Variants in FSTL4 observed in about 807,000 individuals in gnomAD.
FSTL4 encodes follistatin-related protein 4.
In FSTL4, 28 loss-of-function variants were observed where a neutral mutation model predicts 78.2. The observed-to-expected ratio is 0.36, with a 90% CI of 0.27 to 0.49. The LOEUF (loss-of-function observed/expected upper bound fraction) is 0.49, where lower values mean the gene tolerates loss of function less well. FSTL4 is among the 20% of genes least tolerant of loss of function. The probability of loss-of-function intolerance (pLI) is 0.98; values close to 1 mark genes in which losing one functional copy is unlikely to be tolerated. For missense variants in FSTL4, 922 were observed against 1,084.9 expected (o/e 0.85, Z 2.11); for synonymous variants, 422 against 440.5 (o/e 0.96, Z 0.53).
chr5:133,207,169 T>G (rs1237361464), intron 14 of FSTL4, among the ~76,000 whole-genome samples: 1 of 152,232 alleles, frequency 6.6e-6, no homozygotes, highest in Non-Finnish European at 1.5e-5. Flanking sequence ...CCAAACTTCT[T>G]GTTTATATTC....
chr5:133,704,744 T>C, the FSTL4 span, among the ~76,000 whole-genome samples: 1 of 152,206 alleles, frequency 6.6e-6, no homozygotes, highest in Non-Finnish European at 1.5e-5. Flanking sequence ...ATGCCTGTCA[T>C]CACTACTTCA....
At chr5:133,536,260 T>G (rs370353318) in intron 3 of FSTL4, among the ~76,000 whole-genome samples, 2 of 152,222 alleles carry the variant, frequency 1.3e-5, no homozygotes, top group Non-Finnish European at 2.9e-5. Flanking sequence ...ACCTCAATTT[T>G]TAGTCTATAT....
At chr5:133,498,725 A>G (rs986368631) in intron 3 of FSTL4, among the ~76,000 whole-genome samples, 1 of 152,074 alleles carries the variant, frequency 6.6e-6, no homozygotes, top group African/African-American at 2.4e-5. Context: ...CTCCAAAAAA[A>G]AAAAAAGGAT....
chr5:133,205,912 A>G (rs551633555), intron 14 of FSTL4, among the ~76,000 whole-genome samples: 58 of 152,346 alleles, frequency 3.8e-4, no homozygotes, highest in African/African-American at 1.3e-3. Context: ...AATGAGTCGG[A>G]GTCAGACACC....
the FSTL4 span, among the ~76,000 whole-genome samples, chr5:133,753,834 G>A: frequency 6.6e-6 from 1 of 152,068 alleles, no homozygotes; most frequent in Non-Finnish European, 1.5e-5. Context: ...CCAATACAGT[G>A]AACCATAGTG....
At chr5:133,669,393 T>A in the FSTL4 span, among the ~76,000 whole-genome samples, 1 of 152,238 alleles carries the variant, frequency 6.6e-6, no homozygotes, top group Non-Finnish European at 1.5e-5. Flanking sequence ...CTTCACAGCC[T>A]GACCAAAAGT....
chr5:133,555,839 G>A (rs576452664), intron 3 of FSTL4, among the ~76,000 whole-genome samples: 4 of 152,338 alleles, frequency 2.6e-5, no homozygotes, highest in Non-Finnish European at 5.9e-5. Context: ...TTCAAATGAA[G>A]CAGCCAAGCA....
chr5:133,764,846 C>T, the FSTL4 span, among the ~76,000 whole-genome samples: 2 of 151,932 alleles, frequency 1.3e-5, no homozygotes, highest in Non-Finnish European at 2.9e-5. Context: ...TACAGGTGAG[C>T]CTCTTAAGAT....
chr5:133,453,935 C>T (rs999083570), intron 3 of FSTL4, among the ~76,000 whole-genome samples: 2 of 152,188 alleles, frequency 1.3e-5, no homozygotes, highest in African/African-American at 4.8e-5. Context: ...GATGAGGCAT[C>T]CCAGCAACAC....
At chr5:133,625,844 C>CAT in the FSTL4 span, among the ~76,000 whole-genome samples, 1 of 15,168 alleles carries the variant, frequency 6.6e-5, no homozygotes, top group Non-Finnish European at 1.3e-4. Flanking sequence ...ATATATATTC[C>CAT]ATATATATAT....
intron 3 of FSTL4, among the ~76,000 whole-genome samples, chr5:133,526,682 C>G (rs886493081): frequency 6.6e-6 from 1 of 152,084 alleles, no homozygotes; most frequent in Non-Finnish European, 1.5e-5. Context: ...GCTATGCAGG[C>G]AGGGTCAGGG....
chr5:133,429,824 T>A (rs1756898623), intron 3 of FSTL4, among the ~76,000 whole-genome samples: 1 of 152,144 alleles, frequency 6.6e-6, no homozygotes, highest in Non-Finnish European at 1.5e-5. Context: ...CCAGAATCCA[T>A]CAGCTCACTC....
chr5:133,812,498 C>A, the FSTL4 span, among the ~76,000 whole-genome samples: 3 of 152,358 alleles, frequency 2.0e-5, no homozygotes, highest in East Asian at 1.9e-4. Flanking sequence ...AGGGCCTTTG[C>A]ACCAGCTGAT....
chr5:133,597,148 G>A (rs1760754830), intron 2 of FSTL4, among the ~76,000 whole-genome samples: 1 of 152,168 alleles, frequency 6.6e-6, no homozygotes, highest in Non-Finnish European at 1.5e-5. Context: ...CCAGGTGGCT[G>A]GTGACAAGAC....
upstream of FSTL4, among the ~76,000 whole-genome samples, chr5:133,617,424 A>G (rs1368837706): frequency 1.3e-5 from 2 of 152,114 alleles, no homozygotes; most frequent in Non-Finnish European, 2.9e-5. Flanking sequence ...AGACCTCCTG[A>G]AGAGGCTACT....
chr5:133,412,473 A>T (rs966386845), intron 3 of FSTL4, among the ~76,000 whole-genome samples: 2 of 152,228 alleles, frequency 1.3e-5, no homozygotes, highest in African/African-American at 4.8e-5. Context: ...ATGAAACAAC[A>T]TTGGAAACCT....
In FSTL4 at chr5:133,246,347, T is replaced by C. The variant is rs186440857; in HGVS notation, c.894+3063A>G. ...CTAATTCTTGCTTCAAAAATGCAAGTGAATCCCGATGACCTGGCTTTAGCC... is the reference window on the plus strand; with the variant it reads ...CTAATTCTTGCTTCAAAAATGCAAGCGAATCCCGATGACCTGGCTTTAGCC... On this transcript the variant is annotated intron_variant, in intron 7 of 15. Transcript: ENST00000265342. 3.3e-3 allele frequency among the ~76,000 whole-genome samples: 509 copies of C among 152,338 alleles called. 2 individuals are homozygous for C. The highest frequency in any genetic ancestry group is 5.7e-3 in the Non-Finnish European group (387 of 68,032).
At chr5:133,498,624 G>A (rs936378270) in intron 3 of FSTL4, among the ~76,000 whole-genome samples, 32 of 151,776 alleles carry the variant, frequency 2.1e-4, no homozygotes, top group Admixed American at 1.1e-3. Context: ...AGGCTGAGGC[G>A]GGAGAATCAC....
upstream of FSTL4, among the ~76,000 whole-genome samples, chr5:133,615,849 A>T (rs1761189851): frequency 6.6e-6 from 1 of 152,124 alleles, no homozygotes; most frequent in African/African-American, 2.4e-5. Flanking sequence ...TTTTCGAGAC[A>T]AAGAAGAAGT....
Sources: gnomAD v4.1 joint callset for allele counts (sites outside exome capture counted in the v4.1 genomes callset) on GRCh38, gnomAD v4.1.1 for gene constraint, MANE v1.5 for transcripts, NCBI Gene and HGNC (gene_info 2026-07-23, HGNC 2026-07-21) for gene names.